The following CLIC4 variants were observed in gnomAD, a reference collection of about 807,000 sequenced individuals.
CLIC4 encodes chloride intracellular channel protein 4.
A neutral mutation model predicts 24.6 loss-of-function variants in CLIC4; 13 were observed. The ratio of observed to expected loss-of-function variants is 0.53; its 90% CI spans 0.34 to 0.84. CLIC4 has a LOEUF of 0.84. CLIC4 is among the 40% of genes least tolerant of loss of function. CLIC4 has a pLI of 0.01. For missense variants in CLIC4, 227 were observed against 301.7 expected, an observed-to-expected ratio of 0.75 and a Z score of 1.83; for synonymous variants, 104 against 111.3, an observed-to-expected ratio of 0.93 and a Z score of 0.41.
intron 3 of CLIC4, among the ~76,000 whole-genome samples, chr1:24,816,277 T>C (rs1478771819): frequency 1.3e-5 from 2 of 148,324 alleles, no homozygotes; most frequent in Non-Finnish European, 3.0e-5. Context: ...TTCGTTCTTA[T>C]CGCCCAGGCT....
At chr1:24,751,073 A>G (rs1402929870) in intron 1 of CLIC4, among the ~76,000 whole-genome samples, 2 of 152,048 alleles carry the variant, frequency 1.3e-5, no homozygotes, top group Non-Finnish European at 2.9e-5. Context: ...GGAATTAGAA[A>G]CCACTTACTG....
At chr1:24,746,256 C>G (rs910639715) in intron 1 of CLIC4, among the ~76,000 whole-genome samples, 9 of 152,216 alleles carry the variant, frequency 5.9e-5, no homozygotes, top group Non-Finnish European at 8.8e-5. Flanking sequence ...CTGGCTTTCT[C>G]GTTTCTCAAG....
At chr1:24,764,779 T>G (rs1349230856) in intron 1 of CLIC4, among the ~76,000 whole-genome samples, 1 of 152,214 alleles carries the variant, frequency 6.6e-6, no homozygotes, top group Non-Finnish European at 1.5e-5. Flanking sequence ...AATTTGAGAT[T>G]CACCACTAAA....
intron 1 of CLIC4, among the ~76,000 whole-genome samples, chr1:24,796,188 A>ATTTTTTTTTTT (rs1162414415): frequency 1.3e-5 from 2 of 151,984 alleles, no homozygotes; most frequent in African/African-American, 4.8e-5. Context: ...ATTTGCTTTT[A>ATTTTTTTTTTT]TTTTTTATTT....
At chr1:24,755,601 C>A (rs773368554) in intron 1 of CLIC4, among the ~76,000 whole-genome samples, 1 of 149,862 alleles carries the variant, frequency 6.7e-6, no homozygotes, top group Non-Finnish European at 1.5e-5. Flanking sequence ...CGACGGAGAT[C>A]CTATCTCTTA....
chr1:24,779,025 A>G (rs931954713), intron 1 of CLIC4, among the ~76,000 whole-genome samples: 8 of 152,240 alleles, frequency 5.3e-5, no homozygotes, highest in African/African-American at 1.4e-4. Flanking sequence ...GTTCTATTAT[A>G]TTTAAGCAGT....
chr1:24,761,176 AG>A (rs1557795690), intron 1 of CLIC4, among the ~76,000 whole-genome samples: 1 of 152,184 alleles, frequency 6.6e-6, no homozygotes, highest in East Asian at 1.9e-4. Flanking sequence ...GGCTGTGGGA[AG>A]GGCTAGTTCT....
chr1:24,816,237 T>TG (rs1553193761), intron 3 of CLIC4, among the ~76,000 whole-genome samples: 1 of 142,996 alleles, frequency 7.0e-6, no homozygotes, highest in African/African-American at 2.6e-5. Flanking sequence ...TGTTCGTGTT[T>TG]TTTTTTTTTT....
chr1:24,827,182 T>A, intron 4 of CLIC4, 66 bp downstream of exon 4: 1 of 965,878 alleles, frequency 1.0e-6, no homozygotes, highest in Non-Finnish European at 1.6e-6. Context: ...GCTGTTATTA[T>A]GACAGTGATT....
intron 1 of CLIC4, among the ~76,000 whole-genome samples, chr1:24,783,261 A>T (rs780122419): frequency 6.6e-6 from 1 of 152,198 alleles, no homozygotes; most frequent in Non-Finnish European, 1.5e-5. Context: ...CAGAGAGGTT[A>T]AGTGACTTGC....
intron 1 of CLIC4, 58 bp from the exon 2 acceptor site, chr1:24,797,684 T>A (rs1639419855): frequency 2.5e-6 from 3 of 1,189,756 alleles, no homozygotes; most frequent in East Asian, 2.5e-5. Flanking sequence ...GAAAAAGTTA[T>A]GTCATGTTGA....
intron 1 of CLIC4, among the ~76,000 whole-genome samples, chr1:24,749,912 T>C (rs1638752921): frequency 6.6e-6 from 1 of 152,104 alleles, no homozygotes; most frequent in African/African-American, 2.4e-5. Flanking sequence ...CTGGGCAACG[T>C]AGCAAAACCC....
chr1:24,830,594 A>G (rs1639830487), intron 4 of CLIC4, among the ~76,000 whole-genome samples: 3 of 152,142 alleles, frequency 2.0e-5, no homozygotes, highest in South Asian at 2.1e-4. Flanking sequence ...ATACCAGTTT[A>G]TATTCCCACA....
intron 1 of CLIC4, among the ~76,000 whole-genome samples, chr1:24,747,499 A>G (rs1284884858): frequency 1.5e-5 from 2 of 136,878 alleles, no homozygotes; most frequent in Non-Finnish European, 3.0e-5. Context: ...GCGCCACTGT[A>G]CTCCAGCCTG....
chr1:24,758,282 A>C (rs1638876550), intron 1 of CLIC4, among the ~76,000 whole-genome samples: 1 of 151,688 alleles, frequency 6.6e-6, no homozygotes, highest in Non-Finnish European at 1.5e-5. Context: ...TTGACTAGAG[A>C]TAGTTGTTGC....
chr1:24,748,797 C>A (rs569520158), intron 1 of CLIC4, among the ~76,000 whole-genome samples: 1 of 151,892 alleles, frequency 6.6e-6, no homozygotes, highest in Non-Finnish European at 1.5e-5. Context: ...CTGTGCTTGG[C>A]CCCTAGACCA....
At chr1:24,748,656 C>T (rs1319028367) in intron 1 of CLIC4, among the ~76,000 whole-genome samples, 1 of 151,604 alleles carries the variant, frequency 6.6e-6, no homozygotes, top group African/African-American at 2.4e-5. Context: ...TGCACCACTA[C>T]GCCTGGCTGA....
chr1:24,794,619 T>G lies in CLIC4; in HGVS notation c.73-3123T>G, dbSNP rs577605394. The stretch of plus-strand genomic sequence containing the variant: ...GTCAGATGCATATTTTGCAAATATT[T>G]TCTCCCATTCAACCTGCATTCTGTA... On this transcript the variant is annotated intron_variant, in intron 1 of 5. Transcript: ENST00000374379. Among the ~76,000 whole-genome samples, 17 of 152,338 alleles carry G rather than the reference T, an allele frequency of 1.1e-4. No homozygotes were observed. In the South Asian group the frequency reaches 3.3e-3, roughly 30 times the overall value.
At chr1:24,816,314 A>C (rs1432116407) in intron 3 of CLIC4, among the ~76,000 whole-genome samples, 1 of 133,106 alleles carries the variant, frequency 7.5e-6, no homozygotes, top group Non-Finnish European at 1.5e-5. Context: ...ATCTCGGCTC[A>C]CTGCAACCTC....
Sources: gnomAD v4.1 joint callset for allele counts (sites outside exome capture counted in the v4.1 genomes callset) on GRCh38, gnomAD v4.1.1 for gene constraint, MANE v1.5 for transcripts, NCBI Gene and HGNC (gene_info 2026-07-23, HGNC 2026-07-21) for gene names.